HECW1: variants seen among roughly 807,000 people sequenced by gnomAD.
The protein encoded by HECW1 is E3 ubiquitin-protein ligase HECW1.
HECW1 carries 61 observed loss-of-function variants against 182.3 expected under a neutral mutation model. The ratio of observed to expected loss-of-function variants is 0.33; its 90% confidence interval spans 0.27 to 0.41. The LOEUF is 0.41. Among genes scored for constraint, HECW1 ranks in the 10% least tolerant of loss-of-function variants. The probability of loss-of-function intolerance (pLI) is 1.00; values close to 1 mark genes in which losing one functional copy is unlikely to be tolerated. For missense variants in HECW1, 1,739 were observed against 2,108.9 expected (o/e 0.82, Z 3.44); for synonymous variants, 859 against 832.6 (o/e 1.03, Z -0.55).
At chr7:43,153,055 C>T (rs1789510960) in intron 2 of HECW1, among the ~76,000 whole-genome samples, 2 of 152,066 alleles carry the variant, frequency 1.3e-5, no homozygotes, top group Admixed American at 6.6e-5. Context: ...CTATATACAC[C>T]TTCTCTTATG....
At chr7:43,182,925 A>T (rs1793009941) in intron 2 of HECW1, among the ~76,000 whole-genome samples, 1 of 151,548 alleles carries the variant, frequency 6.6e-6, no homozygotes, top group Non-Finnish European at 1.5e-5. Context: ...CTAGAAATAG[A>T]TTTTTTTTTG....
chr7:43,243,744 T>C lies in HECW1; in HGVS notation c.-31-131T>C. On this transcript the variant is annotated intron_variant, in intron 2 of 29. Coordinates refer to ENST00000395891, the MANE Select transcript of HECW1 (RefSeq NM_015052.5). This position sits in a 1 kb window ranked among gnomAD's most constrained non-coding sequence, Gnocchi z 4.0. ...GTGTGGTCCTTGTGTGATTTTTCCT[T>C]TTGCACGTCGGTTGCCCAGGCCAGG... 2.8e-6 allele frequency: 2 copies of C among 719,416 alleles called. No individual in the cohort carries two copies. Among genetic ancestry groups the C allele is most frequent in the Non-Finnish European group, 2.6e-6 (1 of 390,586 alleles). The allele number at this position is 719,416 out of a possible 1,614,324, so 44.6% of individuals were successfully genotyped here. A position where few individuals can be genotyped will look rare whatever the true frequency, so the allele number is the denominator to read the frequency against.
intron 2 of HECW1, among the ~76,000 whole-genome samples, chr7:43,165,837 A>G (rs1791059005): frequency 6.6e-6 from 1 of 152,212 alleles, no homozygotes; most frequent in South Asian, 2.1e-4. Context: ...GTCATGCCAG[A>G]GATATAAAAC....
chr7:43,366,146 C>T (rs996970067), intron 6 of HECW1, among the ~76,000 whole-genome samples: 3 of 150,554 alleles, frequency 2.0e-5, no homozygotes, highest in Non-Finnish European at 4.4e-5. Flanking sequence ...TATCTTTTCA[C>T]TAGTTCATGT....
chr7:43,507,349 G>A (rs555104003), intron 22 of HECW1, 92 bp downstream of exon 22: 2 of 1,276,660 alleles, frequency 1.6e-6, no homozygotes, highest in East Asian at 2.5e-5. Context: ...TTTGAGACTG[G>A]CTACTCTGGT....
chr7:43,319,351 G>GTCCGC (rs1809745011), intron 4 of HECW1, among the ~76,000 whole-genome samples: 1 of 139,718 alleles, frequency 7.2e-6, no homozygotes, highest in African/African-American at 2.6e-5. Flanking sequence ...TGCGCCACTG[G>GTCCGC]AGTCCGCAGT....
At chr7:43,165,776 A>G (rs1791053484) in intron 2 of HECW1, among the ~76,000 whole-genome samples, 6 of 152,198 alleles carry the variant, frequency 3.9e-5, no homozygotes, top group African/African-American at 1.2e-4. Flanking sequence ...TAAAGTTGAG[A>G]TGCTGTGTCT....
chr7:43,342,757 G>A (rs182559081), intron 5 of HECW1, among the ~76,000 whole-genome samples: 4 of 151,884 alleles, frequency 2.6e-5, no homozygotes, highest in African/African-American at 7.3e-5. Flanking sequence ...CGGGCATGGT[G>A]GCTCACGCCT....
At chr7:43,380,275 G>A (rs12531047) in intron 6 of HECW1, among the ~76,000 whole-genome samples, 5,462 of 152,124 alleles carry the variant, frequency 0.036, 112 homozygotes, top group Middle Eastern at 0.041. Flanking sequence ...TGTTGCCCAC[G>A]CTGGTCTCAA....
At chr7:43,125,457 C>T (rs1477026176) in intron 2 of HECW1, among the ~76,000 whole-genome samples, 3 of 152,092 alleles carry the variant, frequency 2.0e-5, no homozygotes, top group Non-Finnish European at 4.4e-5. Flanking sequence ...CAGACTTATT[C>T]AAGAAGAGTG....
chr7:43,396,732 T>C (rs2152837981), intron 6 of HECW1, 82 bp from the exon 7 acceptor site: 1 of 919,896 alleles, frequency 1.1e-6, no homozygotes, highest in South Asian at 1.4e-5. Context: ...AAAATCACTG[T>C]GAATAACCAT....
rs150323097 is a variant in HECW1 at position 43,330,016 on chromosome 7, C to T, written c.460+9274C>T. 1.9e-4 allele frequency among the ~76,000 whole-genome samples: 29 copies of T among 152,162 alleles called. No homozygotes were observed. In the East Asian group the frequency reaches 5.6e-3, roughly 29 times the overall value. On this transcript the variant is annotated intron_variant, in intron 5 of 29. Coordinates refer to ENST00000395891, the MANE Select transcript of HECW1 (RefSeq NM_015052.5). Reference sequence around the variant, plus strand: ...AGGAGAGTTGAGGACGGAATTCCATCGAGGAGCAAGAGGAAGAAGAAGAGA... The same window carrying T: ...AGGAGAGTTGAGGACGGAATTCCATTGAGGAGCAAGAGGAAGAAGAAGAGA...
At chr7:43,389,784 G>C (rs1199917916) in intron 6 of HECW1, among the ~76,000 whole-genome samples, 5 of 152,056 alleles carry the variant, frequency 3.3e-5, no homozygotes, top group Admixed American at 6.5e-5. Context: ...GGGACTACAG[G>C]TGTGCACCAC....
In HECW1 at chr7:43,324,803, T is replaced by C. The variant is rs185247375; in HGVS notation, c.460+4061T>C. Among the ~76,000 whole-genome samples the C allele has an allele frequency of 7.9e-5, 12 of 152,362 alleles. No individual in the cohort carries two copies. The East Asian group carries it at 2.3e-3, about 29-fold the overall frequency. ...TTTCTACCTGGGGATTAAATTAACATAATAAAATAAAATGAGGTGTACCTT... is the reference window on the plus strand; with the variant it reads ...TTTCTACCTGGGGATTAAATTAACACAATAAAATAAAATGAGGTGTACCTT... On this transcript the variant is annotated intron_variant, in intron 5 of 29. Transcript: ENST00000395891.
rs1054437617 is a variant in HECW1, at chr7:43,114,362, A to C, written c.-61A>C. The C allele has an allele frequency of 7.4e-7, 1 of 1,355,850 alleles. No homozygotes were observed. Among genetic ancestry groups the C allele is most frequent in the African/African-American group, 1.4e-5 (1 of 69,014 alleles). 84.0% of individuals were successfully genotyped at this position (1,355,850 alleles called of 1,614,324 possible). A position where few individuals can be genotyped will look rare whatever the true frequency, so the allele number is the denominator to read the frequency against. The stretch of plus-strand genomic sequence containing the variant: ...GGTGGCCAGATCTGCGTTTCTCATC[A>C]GCAGACTCACTCCGGCTGTGGCTAT... On this transcript the variant is annotated 5_prime_UTR_variant, in exon 2 of 30. Transcript: ENST00000395891.
chr7:43,113,908 T>G lies in HECW1; in HGVS notation c.-266-249T>G, dbSNP rs373931011. 3.3e-4 allele frequency: 89 copies of G among 271,760 alleles called. No homozygotes were observed. The East Asian group carries it at 3.8e-3, about 12-fold the overall frequency. The allele number at this position is 271,760 out of a possible 1,614,324, so 16.8% of individuals were successfully genotyped here. ...GCACACAGAGGCTGGGCACCATAAC[T>G]TCTTCCCTGCCGAATTTCAGCGCGT... is the stretch of plus-strand genomic sequence containing the variant. On this transcript the variant is annotated intron_variant, in intron 1 of 29. Coordinates refer to ENST00000395891, the MANE Select transcript of HECW1 (RefSeq NM_015052.5).
chr7:43,148,045 C>T, intron 2 of HECW1, among the ~76,000 whole-genome samples: 1 of 152,116 alleles, frequency 6.6e-6, no homozygotes, highest in Middle Eastern at 3.2e-3. Flanking sequence ...CTATTTTGTG[C>T]CATGTGGCAG....
chr7:43,170,470 G>A (rs1791573528), intron 2 of HECW1, among the ~76,000 whole-genome samples: 1 of 152,058 alleles, frequency 6.6e-6, no homozygotes, highest in African/African-American at 2.4e-5. Context: ...ATATGAGTTG[G>A]GACTCTTGGT....
chr7:43,432,434 C>T lies in HECW1; in HGVS notation c.802-5569C>T, dbSNP rs1019631203. 6.6e-5 allele frequency among the ~76,000 whole-genome samples: 10 copies of T among 152,216 alleles called. No individual in the cohort carries two copies. The highest frequency in any genetic ancestry group is 2.1e-4 in the South Asian group (1 of 4,836). ...GATTACAGGTGTGAGCCACCGCGCCCGGCCCAGTTGTTTATTTTTTAAGAC... is the reference window on the plus strand; with the variant it reads ...GATTACAGGTGTGAGCCACCGCGCCTGGCCCAGTTGTTTATTTTTTAAGAC... On this transcript the variant is annotated intron_variant, in intron 8 of 29. Transcript: ENST00000395891. The surrounding 1 kb of genome is among the most constrained non-coding windows in gnomAD (Gnocchi z 4.1).
Sources: allele counts gnomAD v4.1 joint callset (sites outside exome capture counted in the v4.1 genomes callset), GRCh38; gene constraint gnomAD v4.1.1; non-coding constraint Gnocchi (gnomAD v3.1); transcripts MANE v1.5; gene names NCBI Gene and HGNC (gene_info 2026-07-23, HGNC 2026-07-21).